The following PRKG1 variants were observed in gnomAD, a reference collection of about 807,000 sequenced individuals.
The protein encoded by PRKG1 is cGMP-dependent protein kinase 1.
PRKG1 carries 35 observed loss-of-function variants against 88.1 expected under a neutral mutation model. The ratio of observed to expected loss-of-function variants is 0.40; its 90% CI spans 0.30 to 0.53. The LOEUF (loss-of-function observed/expected upper bound fraction) is 0.53. PRKG1 is among the 20% of genes least tolerant of loss of function. The pLI is 0.59. For synonymous variants in PRKG1, 303 were observed against 292.5 expected, an observed-to-expected ratio of 1.04 and a Z score of -0.37; for missense variants, 540 against 839.8, an observed-to-expected ratio of 0.64 and a Z score of 4.41.
At chr10:51,742,229 A>T (rs138708781) in intron 3 of PRKG1, among the ~76,000 whole-genome samples, 1 of 152,300 alleles carries the variant, frequency 6.6e-6, no homozygotes. Flanking sequence ...CAAGAGGGTA[A>T]GATTTACATT....
chr10:51,413,251 TAA>T (rs1308246818), intron 2 of PRKG1, among the ~76,000 whole-genome samples: 1 of 152,224 alleles, frequency 6.6e-6, no homozygotes, highest in Non-Finnish European at 1.5e-5. Flanking sequence ...TCTTTCTTTT[TAA>T]AATCTTTGTG....
rs138560273 is a variant in PRKG1, at chr10:51,605,727, A to G, written c.592+137891A>G. Among the ~76,000 whole-genome samples the G allele has an allele frequency of 4.4e-3, 671 of 152,268 alleles. 6 individuals carry two copies. Among genetic ancestry groups the G allele is most frequent in the African/African-American group, 0.013 (554 of 41,558 alleles). On this transcript the variant is annotated intron_variant, in intron 3 of 17. Coordinates refer to ENST00000373980, the MANE Select transcript of PRKG1 (RefSeq NM_006258.4). The stretch of plus-strand genomic sequence containing the variant: ...GTTTTATCATCTTTCACCAAATCCC[A>G]TCTTTTCATCGTTTCCTTCATTGAC...
intron 3 of PRKG1, among the ~76,000 whole-genome samples, chr10:51,622,688 C>G (rs1343692555): frequency 2.0e-5 from 3 of 152,192 alleles, no homozygotes; most frequent in African/African-American, 7.2e-5. Context: ...AATTATACAG[C>G]ATTTTCCTCC....
chr10:51,027,128 A>G (rs1843217682), intron 1 of PRKG1, among the ~76,000 whole-genome samples: 1 of 152,190 alleles, frequency 6.6e-6, no homozygotes, highest in Non-Finnish European at 1.5e-5. Flanking sequence ...AGAGCGTCAA[A>G]CCAACTGCTC....
intron 5 of PRKG1, among the ~76,000 whole-genome samples, chr10:52,009,737 C>A (rs957064673): frequency 4.6e-5 from 7 of 152,070 alleles, no homozygotes; most frequent in South Asian, 2.1e-4. Context: ...GGAAAAAGAA[C>A]AAATCTGGAG....
chr10:51,194,859 A>C (rs2132046102), intron 2 of PRKG1, among the ~76,000 whole-genome samples: 1 of 152,300 alleles, frequency 6.6e-6, no homozygotes, highest in East Asian at 1.9e-4. Context: ...AGCGGGAACC[A>C]AAAGTTCTTG....
chr10:51,392,660 C>T (rs1448910632), intron 2 of PRKG1, among the ~76,000 whole-genome samples: 5 of 151,600 alleles, frequency 3.3e-5, no homozygotes, highest in South Asian at 4.2e-4. Flanking sequence ...ACCTCCCAGA[C>T]GGGGTGGTGG....
At chr10:51,207,797 A>G (rs1474698726) in intron 2 of PRKG1, among the ~76,000 whole-genome samples, 2 of 152,080 alleles carry the variant, frequency 1.3e-5, no homozygotes, top group Non-Finnish European at 2.9e-5. Context: ...CTCTAATTCT[A>G]CTACTTGGTT....
intron 4 of PRKG1, among the ~76,000 whole-genome samples, chr10:51,864,624 T>C (rs1840969353): frequency 6.6e-6 from 1 of 152,200 alleles, no homozygotes; most frequent in Admixed American, 6.5e-5. Context: ...TCCCTAGAAC[T>C]TGAAGTGAAA....
chr10:51,400,748 T>C (rs1837716073), intron 2 of PRKG1, among the ~76,000 whole-genome samples: 1 of 152,244 alleles, frequency 6.6e-6, no homozygotes, highest in South Asian at 2.1e-4. Flanking sequence ...CATATTTTCC[T>C]AGCCCAGTTT....
chr10:51,806,697 C>A (rs1465785888), intron 4 of PRKG1, among the ~76,000 whole-genome samples: 1 of 152,152 alleles, frequency 6.6e-6, no homozygotes, highest in Non-Finnish European at 1.5e-5. Flanking sequence ...GGTTCTCTCT[C>A]TATAACTTTT....
chr10:51,205,127 C>CTTTCTCTTTTTTTTTTTTTTTTTTTTT (rs1433048297), intron 2 of PRKG1, among the ~76,000 whole-genome samples: 1 of 64,030 alleles, frequency 1.6e-5, no homozygotes, highest in African/African-American at 5.8e-5. Context: ...ATTTTCTTTT[C>CTTTCTCTTTTTTTTTTTTTTTTTTTTT]TTTTTTTTTT....
At chr10:51,160,435 G>C (rs1279603107) in intron 2 of PRKG1, among the ~76,000 whole-genome samples, 1 of 152,064 alleles carries the variant, frequency 6.6e-6, no homozygotes, top group African/African-American at 2.4e-5. Context: ...AATTTCTCTA[G>C]TGTATATAGA....
intron 3 of PRKG1, among the ~76,000 whole-genome samples, chr10:51,586,466 T>A (rs1277732970): frequency 6.6e-6 from 1 of 152,178 alleles, no homozygotes; most frequent in Non-Finnish European, 1.5e-5. Flanking sequence ...GGACACATTT[T>A]ATAACTTTTC....
At chr10:52,085,101 C>T (rs529288313) in intron 7 of PRKG1, among the ~76,000 whole-genome samples, 4 of 152,074 alleles carry the variant, frequency 2.6e-5, no homozygotes, top group Non-Finnish European at 5.9e-5. Flanking sequence ...CTGTCTCTCA[C>T]TGGTGATATT....
At chr10:51,690,019 G>A (rs1226124983) in intron 3 of PRKG1, among the ~76,000 whole-genome samples, 2 of 152,166 alleles carry the variant, frequency 1.3e-5, no homozygotes, top group Admixed American at 6.5e-5. Context: ...TCTGCAGGCT[G>A]TACAGGAAGC....
intron 3 of PRKG1, among the ~76,000 whole-genome samples, chr10:51,572,100 A>T (rs1837771245): frequency 6.6e-6 from 1 of 151,792 alleles, no homozygotes; most frequent in Non-Finnish European, 1.5e-5. Context: ...TAAAATTAAA[A>T]TTTTTTCAAA....
intron 3 of PRKG1, among the ~76,000 whole-genome samples, chr10:51,570,697 A>G (rs1283924568): frequency 9.0e-6 from 1 of 110,718 alleles, no homozygotes; most frequent in South Asian, 3.2e-4. Flanking sequence ...AGAATTTTTG[A>G]AAAAAAAAAT....
At chr10:51,705,400 A>G (rs536666957) in intron 3 of PRKG1, among the ~76,000 whole-genome samples, 5 of 152,356 alleles carry the variant, frequency 3.3e-5, no homozygotes, top group African/African-American at 1.2e-4. Flanking sequence ...TCATCTTACA[A>G]TAACAAAATA....
Sources: allele counts gnomAD v4.1 joint callset (sites outside exome capture counted in the v4.1 genomes callset), GRCh38; gene constraint gnomAD v4.1.1; transcripts MANE v1.5; gene names NCBI Gene and HGNC (gene_info 2026-07-23, HGNC 2026-07-21).